DOCK8: variants seen among roughly 807,000 people sequenced by gnomAD.
DOCK8 encodes dedicator of cytokinesis protein 8.
DOCK8 carries 141 observed loss-of-function variants against 245.6 expected under a neutral mutation model. The ratio of observed to expected loss-of-function variants is 0.57; its 90% CI spans 0.50 to 0.66. The LOEUF (loss-of-function observed/expected upper bound fraction) is 0.66. DOCK8 is among the 30% of genes least tolerant of loss of function. The pLI is 0.00. For missense variants in DOCK8, 2,965 were observed against 2,603.4 expected (o/e 1.14, Z -3.02); for synonymous variants, 1,168 against 970.2 (o/e 1.20, Z -3.79).
At chr9:363,736 G>A (rs1244175023) in intron 14 of DOCK8, among the ~76,000 whole-genome samples, 3 of 152,056 alleles carry the variant, frequency 2.0e-5, no homozygotes, top group Admixed American at 6.6e-5. Context: ...GGGAGTGCTG[G>A]CAGTGTGGGG....
rs752184508 is a variant in DOCK8, at chr9:311,974, C to A, written c.549C>A (p.Asn183Lys). 1.2e-6 allele frequency: 2 copies of A among 1,613,970 alleles called. No individual in the cohort carries two copies. Among genetic ancestry groups the A allele is most frequent in the African/African-American group, 2.7e-5 (2 of 74,934 alleles). ...PAAQAGPRHL[N>K]VLCDVSGKGP... is the part of the protein sequence containing the mutation. The stretch of plus-strand genomic sequence containing the variant: ...CACAGGCAGGCCCCCGCCACTTAAA[C>A]GTGCTGTGCGACGTGTCTGGGAAAG... Residue 183 changes from asparagine to lysine, a missense_variant, in exon 6 of 48, where the codon AAC becomes AAA. Physicochemically the swap from Asn to Lys is moderately conservative, Grantham distance 94. Around this residue, in one of 3 missense-constraint regions of DOCK8, gnomAD observed 2,825 missense variants for 2,453.5 expected, o/e 1.15. Transcript: ENST00000432829.
upstream of DOCK8, chr9:214,734 C>A (rs957193181): frequency 1.8e-5 from 28 of 1,518,254 alleles, no homozygotes; most frequent in Admixed American, 5.2e-4. Flanking sequence ...TGGGCCCACG[C>A]CCTCCTCGCC....
intron 14 of DOCK8, among the ~76,000 whole-genome samples, chr9:341,030 G>C (rs972366711): frequency 6.6e-6 from 1 of 152,188 alleles, no homozygotes; most frequent in African/African-American, 2.4e-5. Flanking sequence ...AGAATTTACA[G>C]CAATAACATA....
chr9:381,981 G>A (rs1277173641), intron 21 of DOCK8, among the ~76,000 whole-genome samples: 2 of 151,212 alleles, frequency 1.3e-5, no homozygotes, highest in African/African-American at 4.9e-5. Flanking sequence ...AAATTAAATA[G>A]TAATATCTCA....
At chr9:319,639 T>A (rs1043214950) in intron 7 of DOCK8, among the ~76,000 whole-genome samples, 16 of 151,872 alleles carry the variant, frequency 1.1e-4, no homozygotes, top group Non-Finnish European at 2.2e-4. Flanking sequence ...ATTCTATTCA[T>A]AATACTACAT....
intron 37 of DOCK8, among the ~76,000 whole-genome samples, 170 bp downstream of exon 37, chr9:432,494 A>G (rs2056755047): frequency 6.6e-6 from 1 of 152,166 alleles, no homozygotes; most frequent in Non-Finnish European, 1.5e-5. Flanking sequence ...TTAAAAAGAA[A>G]TACATCCATC....
chr9:364,492 G>A (rs1160942525), intron 14 of DOCK8, among the ~76,000 whole-genome samples: 2 of 151,956 alleles, frequency 1.3e-5, no homozygotes, highest in Non-Finnish European at 2.9e-5. Flanking sequence ...AATTAGCCAG[G>A]TGGTCATGAT....
chr9:440,335 A>G (rs2057055281), intron 40 of DOCK8, among the ~76,000 whole-genome samples: 1 of 152,126 alleles, frequency 6.6e-6, no homozygotes, highest in Non-Finnish European at 1.5e-5. Context: ...TCATTTTAAT[A>G]ATCTCCCTCC....
intron 1 of DOCK8, among the ~76,000 whole-genome samples, chr9:244,476 G>C (rs2047457698): frequency 6.6e-6 from 1 of 152,022 alleles, no homozygotes; most frequent in South Asian, 2.1e-4. Flanking sequence ...ACTCTCTACT[G>C]TTTCTTCCTA....
chr9:266,364 GGAAT>G lies in DOCK8; in HGVS notation c.54-5235_54-5232del, dbSNP rs3046373. Among the ~76,000 whole-genome samples, 802 of 151,254 alleles carry G rather than the reference GGAAT, an allele frequency of 5.3e-3. 5 individuals carry two copies. The highest frequency in any genetic ancestry group is 5.9e-3 in the Non-Finnish European group (401 of 67,790). On this transcript the variant is annotated intron_variant, in intron 1 of 47. Coordinates refer to ENST00000432829, the MANE Select transcript of DOCK8 (RefSeq NM_203447.4). The stretch of plus-strand genomic sequence containing the variant: ...CCAGCAATTTGTGTGTTCTCAGTGT[GGAAT>G]GAATGAATGAATGAATGAATGAATG...
upstream of DOCK8, chr9:214,609 T>C (rs764866897): frequency 1.2e-6 from 2 of 1,613,844 alleles, no homozygotes; most frequent in Admixed American, 1.7e-5. Flanking sequence ...CAGATGGAGC[T>C]TCCGGCCTGC....
chr9:345,805 T>C (rs1468089827), intron 14 of DOCK8, among the ~76,000 whole-genome samples: 2 of 152,184 alleles, frequency 1.3e-5, no homozygotes, highest in African/African-American at 4.8e-5. Context: ...GTAATGTGTG[T>C]GTGCTGCCCC....
intron 1 of DOCK8, among the ~76,000 whole-genome samples, chr9:257,473 G>T (rs1411916842): frequency 3.9e-5 from 6 of 152,132 alleles, no homozygotes; most frequent in African/African-American, 1.4e-4. Flanking sequence ...GCCTGCAACA[G>T]AATCATCTGG....
chr9:431,955 A>T (rs953085869), intron 36 of DOCK8, among the ~76,000 whole-genome samples: 1 of 152,216 alleles, frequency 6.6e-6, no homozygotes, highest in South Asian at 2.1e-4. Context: ...TGACAGATTT[A>T]TGTGAGAGCA....
At chr9:258,450 A>G (rs543092928) in intron 1 of DOCK8, among the ~76,000 whole-genome samples, 70 of 152,308 alleles carry the variant, frequency 4.6e-4, no homozygotes, top group Non-Finnish European at 8.4e-4. Flanking sequence ...ACAGCATCCA[A>G]CAATGTGTGT....
At position 421,424 on chromosome 9, in the gene DOCK8, C is replaced by CCGGAGCATGGTCAAGAAACTG. The variant is rs1564046743; in HGVS notation, c.4153+346_4153+347insCGGAGCATGGTCAAGAAACTG. ...CCTTTCTATGTGACCTTTGGCTAGTCTATCCGGAGCATGGTCAAGAAACTG... is the reference window on the plus strand; with the variant it reads ...CCTTTCTATGTGACCTTTGGCTAGTCCGGAGCATGGTCAAGAAACTGTATCCGGAGCATGGTCAAGAAACTG... On this transcript the variant is annotated intron_variant, in intron 32 of 47. Transcript: ENST00000432829. 4.5e-4 allele frequency among the ~76,000 whole-genome samples: 69 copies of CCGGAGCATGGTCAAGAAACTG among 152,148 alleles called. 1 individual carries two copies. In the East Asian group the frequency reaches 0.012, roughly 27 times the overall value.
intron 1 of DOCK8, among the ~76,000 whole-genome samples, chr9:236,202 G>A (rs62531271): frequency 0.015 from 2,212 of 152,266 alleles, 21 homozygotes; most frequent in South Asian, 0.046. Context: ...ATGGTCACAG[G>A]ATGACTCCTA....
At chr9:351,417 C>G (rs1453481757) in intron 14 of DOCK8, among the ~76,000 whole-genome samples, 1 of 152,210 alleles carries the variant, frequency 6.6e-6, no homozygotes, top group Non-Finnish European at 1.5e-5. Flanking sequence ...TTCTCACTCA[C>G]CAATCACCAA....
At chr9:424,311 G>T (rs1469206189) in intron 33 of DOCK8, among the ~76,000 whole-genome samples, 1 of 151,950 alleles carries the variant, frequency 6.6e-6, no homozygotes, top group South Asian at 2.1e-4. Context: ...ACTCCAGCAG[G>T]ACCCAGAAAT....
Sources: allele counts gnomAD v4.1 joint callset (sites outside exome capture counted in the v4.1 genomes callset), GRCh38; gene constraint gnomAD v4.1.1; regional missense constraint gnomAD v4.1.1; transcripts MANE v1.5; gene names NCBI Gene and HGNC (gene_info 2026-07-23, HGNC 2026-07-21).